Variants in MICAL3 observed in about 807,000 individuals in gnomAD.
MICAL3 encodes microtubule associated monooxygenase, calponin and LIM domain containing 3.
Under a neutral mutation model 207.4 loss-of-function variants are expected in MICAL3, and 62 were observed. That is an observed-to-expected ratio of 0.30 (90% CI 0.24 to 0.37). MICAL3 has a LOEUF of 0.37. Ranked by LOEUF, MICAL3 falls within the 10% of genes least tolerant of loss-of-function variation. The pLI, the probability that MICAL3 is intolerant of heterozygous loss-of-function variation, is 1.00. For missense variants in MICAL3, 2,368 were observed against 2,635.6 expected, an observed-to-expected ratio of 0.90 and a Z score of 2.22; for synonymous variants, 1,077 against 1,069.3, an observed-to-expected ratio of 1.01 and a Z score of -0.14.
intron 16 of MICAL3, chr22:17,872,934 G>C (rs1179868764): frequency 1.1e-6 from 1 of 925,332 alleles, no homozygotes; most frequent in East Asian, 2.5e-5. Context: ...AAGACACGGG[G>C]AAAAAAAGAA....
At chr22:17,884,330 GGCTGGCTGGCCCCAC>G in intron 16 of MICAL3, 1 of 1,596,478 alleles carries the variant, frequency 6.3e-7, no homozygotes, top group Non-Finnish European at 8.5e-7. Flanking sequence ...GCAGCAGGAC[GGCTGGCTGGCCCCAC>G]GCTCTTGTGT....
chr22:17,977,783 G>C (rs1360209093), intron 1 of MICAL3, among the ~76,000 whole-genome samples: 1 of 152,158 alleles, frequency 6.6e-6, no homozygotes, highest in Non-Finnish European at 1.5e-5. Context: ...CAGCACTTTG[G>C]GAGGCCGAGG....
intron 13 of MICAL3, among the ~76,000 whole-genome samples, chr22:17,887,823 C>T (rs1031797732): frequency 5.3e-5 from 8 of 152,100 alleles, no homozygotes; most frequent in African/African-American, 1.2e-4. Context: ...AGCAGAGAGG[C>T]GATGAACTCA....
intron 1 of MICAL3, among the ~76,000 whole-genome samples, chr22:17,928,138 G>A (rs1436347054): frequency 6.6e-6 from 1 of 152,178 alleles, no homozygotes; most frequent in Non-Finnish European, 1.5e-5. Context: ...GAATAGTACT[G>A]TTAGAAACAC....
chr22:17,991,245 G>A (rs1054266597), intron 1 of MICAL3, among the ~76,000 whole-genome samples: 4 of 152,140 alleles, frequency 2.6e-5, no homozygotes, highest in Admixed American at 1.3e-4. Context: ...CTGAGCCTGC[G>A]TGTGTGTAAG....
chr22:17,877,860 A>G (rs1279566785), intron 16 of MICAL3, among the ~76,000 whole-genome samples: 1 of 148,624 alleles, frequency 6.7e-6, no homozygotes, highest in Non-Finnish European at 1.5e-5. Context: ...TTTTTTTGAG[A>G]CCGAGTCTGA....
chr22:17,892,358 G>A (rs1930463443), intron 11 of MICAL3, among the ~76,000 whole-genome samples: 1 of 152,130 alleles, frequency 6.6e-6, no homozygotes, highest in Non-Finnish European at 1.5e-5. Flanking sequence ...CATCAGAAGA[G>A]CTCTGATATC....
At chr22:17,858,495 G>A (rs570951342) in intron 19 of MICAL3, 1 of 985,162 alleles carries the variant, frequency 1.0e-6, no homozygotes, top group Non-Finnish European at 1.2e-6. Flanking sequence ...CCTGGCTGCT[G>A]CCGTTCAGAG....
intron 22 of MICAL3, among the ~76,000 whole-genome samples, chr22:17,827,243 C>T (rs1042690287): frequency 1.3e-5 from 2 of 151,944 alleles, no homozygotes; most frequent in African/African-American, 4.8e-5. Flanking sequence ...CATTTCACTT[C>T]CAAACATGCC....
chr22:17,842,174 T>G (rs1924083467), intron 19 of MICAL3, 157 bp from the exon 20 acceptor site: 1 of 674,454 alleles, frequency 1.5e-6, no homozygotes, highest in Non-Finnish European at 2.5e-6. Context: ...AGAAGGACCC[T>G]GGCATGTGAG....
At chr22:17,879,619 G>A (rs1340265754) in intron 16 of MICAL3, among the ~76,000 whole-genome samples, 4 of 152,076 alleles carry the variant, frequency 2.6e-5, no homozygotes, top group Non-Finnish European at 2.9e-5. Flanking sequence ...ACTGGCCTCC[G>A]ACGAGGCCAG....
In MICAL3 at chr22:17,808,870, A is replaced by G. The variant is rs1236170881; in HGVS notation, c.5624T>C (p.Val1875Ala). ...QRRLEERGVA[V>A]EKALRGEAGM... Reference sequence around the variant, plus strand: ...TGCTTCGCCCCGGAGCGCCTTCTCCACAGCCACGCCCCTTTCCTCCAGCCG... The same window carrying G: ...TGCTTCGCCCCGGAGCGCCTTCTCCGCAGCCACGCCCCTTTCCTCCAGCCG... The change falls in exon 29 of 32, where the codon GTG becomes GCG. Residue 1875 changes from valine to alanine, a missense_variant. Val to Ala is a moderately conservative substitution (Grantham distance 64). Transcript: ENST00000441493. 1.9e-6 allele frequency: 3 copies of G among 1,553,150 alleles called. No individual in the cohort carries two copies. The highest frequency in any genetic ancestry group is 2.6e-6 in the Non-Finnish European group (3 of 1,148,126).
intron 19 of MICAL3, among the ~76,000 whole-genome samples, chr22:17,858,723 A>G (rs1926195496): frequency 6.6e-6 from 1 of 152,234 alleles, no homozygotes; most frequent in Admixed American, 6.5e-5. Context: ...GAAGTTTCAG[A>G]AGGAAACTGA....
chr22:17,818,884 G>A lies in MICAL3; in HGVS notation c.3777C>T (p.Pro1259=). ...TGGAAGGCTGGGGCTGGGAGCAGAT[G>A]GGGAGTGGGCTGGGTGGGGGCGTGG... ...AASTPPPSPL[P]ICSQPQPSTE... The change falls in exon 26 of 32, where the codon CCC becomes CCT. Residue 1259 remains proline (P), a synonymous_variant. Coordinates refer to ENST00000441493, the MANE Select transcript of MICAL3 (RefSeq NM_015241.3). The A allele has an allele frequency of 3.9e-6, 6 of 1,553,300 alleles. No individual in the cohort carries two copies. The highest frequency in any genetic ancestry group is 5.2e-6 in the Non-Finnish European group (6 of 1,148,168).
chr22:17,949,875 A>G (rs1393916643), intron 1 of MICAL3, among the ~76,000 whole-genome samples: 1 of 152,258 alleles, frequency 6.6e-6, no homozygotes, highest in African/African-American at 2.4e-5. Context: ...CACAATGCGA[A>G]TCTGGGTCCA....
intron 29 of MICAL3, among the ~76,000 whole-genome samples, chr22:17,803,137 G>T (rs1163449303): frequency 6.6e-6 from 1 of 152,154 alleles, no homozygotes; most frequent in African/African-American, 2.4e-5. Flanking sequence ...TTCCTAACAG[G>T]CTCCTAGGTG....
At chr22:17,880,869 C>A (rs1181465147) in intron 16 of MICAL3, among the ~76,000 whole-genome samples, 1 of 152,244 alleles carries the variant, frequency 6.6e-6, no homozygotes, top group African/African-American at 2.4e-5. Context: ...GAGAAAAGGG[C>A]TGCCTTCAGT....
At chr22:17,829,807 A>T (rs1922601171) in intron 21 of MICAL3, among the ~76,000 whole-genome samples, 1 of 152,168 alleles carries the variant, frequency 6.6e-6, no homozygotes, top group Admixed American at 6.5e-5. Context: ...TGCGGCATAG[A>T]TGGGGCCGCA....
chr22:17,817,624 T>C lies in MICAL3; in HGVS notation c.5037A>G (p.Ser1679=), dbSNP rs776698248. ...SEEVLSPPSD[S]GGPDGSFTSS... ...AAGTGAAAGAGCCATCTGGGCCCCC[T>C]GAGTCCGACGGCGGGGAGAGGACCT... The change falls in exon 26 of 32, where the codon TCA becomes TCG. Residue 1679 remains serine (S), a synonymous_variant. Coordinates refer to ENST00000441493, the MANE Select transcript of MICAL3 (RefSeq NM_015241.3). The C allele has an allele frequency of 2.5e-6, 4 of 1,612,942 alleles. No individual in the cohort carries two copies. The highest frequency in any genetic ancestry group is 2.2e-5 in the East Asian group (1 of 44,812).
Sources: allele counts gnomAD v4.1 joint callset (sites outside exome capture counted in the v4.1 genomes callset), GRCh38; gene constraint gnomAD v4.1.1; transcripts MANE v1.5; gene names NCBI Gene and HGNC (gene_info 2026-07-23, HGNC 2026-07-21).